GMDS: variants seen among roughly 807,000 people sequenced by gnomAD.
The protein encoded by GMDS is GDP-mannose 4,6-dehydratase.
GMDS carries 20 observed loss-of-function variants against 49.9 expected under a neutral mutation model. That is an observed-to-expected ratio of 0.40 (90% CI 0.28 to 0.58). The LOEUF (loss-of-function observed/expected upper bound fraction) is 0.58, where lower values mean the gene tolerates loss of function less well. GMDS is among the 20% of genes least tolerant of loss of function. The probability of loss-of-function intolerance (pLI) is 0.42; values close to 1 mark genes in which losing one functional copy is unlikely to be tolerated. For missense variants in GMDS, 362 were observed against 481.4 expected, an observed-to-expected ratio of 0.75 and a Z score of 2.32; for synonymous variants, 177 against 178.6, an observed-to-expected ratio of 0.99 and a Z score of 0.07.
chr6:2,191,756 C>G lies in GMDS; in HGVS notation c.102+53565G>C, dbSNP rs1779029965. Among the ~76,000 whole-genome samples, 1 of 152,214 alleles carries G rather than the reference C, an allele frequency of 6.6e-6. No individual in the cohort carries two copies. The highest frequency in any genetic ancestry group is 2.4e-5 in the African/African-American group (1 of 41,464). On this transcript the variant is annotated intron_variant, in intron 1 of 10. Coordinates refer to ENST00000380815, the MANE Select transcript of GMDS (RefSeq NM_001500.4). The surrounding 1 kb of genome is among the most constrained non-coding windows in gnomAD (Gnocchi z 4.6). ...CTGAGAGCAGCTTGATGCTGGCCTG[C>G]AGGTACCCCATGGATGAGCAGCCTG...
chr6:1,649,990 C>T (rs1214454965), intron 9 of GMDS, among the ~76,000 whole-genome samples: 2 of 152,218 alleles, frequency 1.3e-5, no homozygotes, highest in African/African-American at 4.8e-5. Flanking sequence ...ACCTTGCCTT[C>T]TGAAAGTAAC....
intron 7 of GMDS, among the ~76,000 whole-genome samples, chr6:1,923,973 T>C (rs1761860819): frequency 6.6e-6 from 1 of 152,322 alleles, no homozygotes; most frequent in Non-Finnish European, 1.5e-5. Context: ...AACTGAGAGC[T>C]GGAATGAAGG....
At chr6:1,996,005 C>T (rs1766253813) in intron 4 of GMDS, among the ~76,000 whole-genome samples, 1 of 152,292 alleles carries the variant, frequency 6.6e-6, no homozygotes, top group African/African-American at 2.4e-5. Context: ...GAAGGCTATA[C>T]CACTGCACAG....
intron 7 of GMDS, among the ~76,000 whole-genome samples, chr6:1,858,773 T>C (rs900549934): frequency 2.0e-5 from 3 of 152,174 alleles, no homozygotes; most frequent in African/African-American, 7.2e-5. Context: ...ATCATTAATA[T>C]TGAGCACCAT....
At chr6:2,109,210 G>C (rs147359242) in intron 4 of GMDS, among the ~76,000 whole-genome samples, 1 of 152,294 alleles carries the variant, frequency 6.6e-6, no homozygotes, top group African/African-American at 2.4e-5. Flanking sequence ...AGGACACACA[G>C]CGGCCAATGC....
At chr6:1,738,318 T>C (rs1464501719) in intron 8 of GMDS, among the ~76,000 whole-genome samples, 2 of 152,232 alleles carry the variant, frequency 1.3e-5, no homozygotes, top group African/African-American at 4.8e-5. Context: ...CAGGACTGCA[T>C]GTGGTACTGA....
At chr6:1,873,242 A>G (rs17134424) in intron 7 of GMDS, among the ~76,000 whole-genome samples, 4,346 of 152,322 alleles carry the variant, frequency 0.029, 207 homozygotes, top group African/African-American at 0.099. Flanking sequence ...AGTCCTAAAG[A>G]TTATGATTAT....
At chr6:2,213,426 T>C (rs1476882542) in intron 1 of GMDS, among the ~76,000 whole-genome samples, 1 of 152,158 alleles carries the variant, frequency 6.6e-6, no homozygotes, top group African/African-American at 2.4e-5. Flanking sequence ...ACAGACCCAA[T>C]GGTCTTGACA....
chr6:1,785,654 T>C (rs1167266999), intron 7 of GMDS, among the ~76,000 whole-genome samples: 1 of 152,228 alleles, frequency 6.6e-6, no homozygotes, highest in Non-Finnish European at 1.5e-5. Flanking sequence ...GCACCAGCCC[T>C]GTCTTCTCTT....
intron 1 of GMDS, among the ~76,000 whole-genome samples, chr6:2,173,523 C>G (rs1177696564): frequency 6.6e-6 from 1 of 152,098 alleles, no homozygotes; most frequent in African/African-American, 2.4e-5. Flanking sequence ...ACTGGGGGCA[C>G]AGAAGACAGT....
rs1561830982 is a variant in GMDS at position 1,827,374 on chromosome 6, CGTTTTGG to C, written c.772-84795_772-84789del. On this transcript the variant is annotated intron_variant, in intron 7 of 10. Coordinates refer to ENST00000380815, the MANE Select transcript of GMDS (RefSeq NM_001500.4). ...GTTTTGGAAAACCTGTATATACACA[CGTTTTGG>C]AAAACCTGTATATACACACGTTTTG... 4.9e-5 allele frequency among the ~76,000 whole-genome samples: 7 copies of C among 143,316 alleles called. No individual in the cohort carries two copies. The East Asian group carries it at 1.5e-3, about 30-fold the overall frequency. The allele number at this position is 143,316 out of a possible 152,430, so 94.0% of individuals were successfully genotyped here. A position where few individuals can be genotyped will look rare whatever the true frequency, so the allele number is the denominator to read the frequency against.
intron 7 of GMDS, among the ~76,000 whole-genome samples, chr6:1,802,001 G>A (rs752836270): frequency 6.6e-6 from 1 of 152,178 alleles, no homozygotes; most frequent in Admixed American, 6.5e-5. Flanking sequence ...AAAAGCCACT[G>A]TCTCAGGCAT....
At chr6:2,102,120 C>T (rs1229626075) in intron 4 of GMDS, among the ~76,000 whole-genome samples, 1 of 151,936 alleles carries the variant, frequency 6.6e-6, no homozygotes, top group Non-Finnish European at 1.5e-5. Flanking sequence ...GTCACGTAAA[C>T]AAATGTAAAG....
chr6:1,731,874 G>A (rs948614999), intron 8 of GMDS, among the ~76,000 whole-genome samples: 2 of 152,206 alleles, frequency 1.3e-5, no homozygotes, highest in African/African-American at 4.8e-5. Context: ...TCAGGAAGAT[G>A]TGACTGACAG....
At chr6:2,141,260 A>G (rs1041760232) in intron 1 of GMDS, among the ~76,000 whole-genome samples, 28 of 152,138 alleles carry the variant, frequency 1.8e-4, no homozygotes, top group African/African-American at 6.3e-4. Context: ...TCCTGTGGAG[A>G]CAAGTTATCA....
chr6:1,943,125 C>T (rs1479096336), intron 6 of GMDS, among the ~76,000 whole-genome samples: 1 of 152,218 alleles, frequency 6.6e-6, no homozygotes, highest in Non-Finnish European at 1.5e-5. Flanking sequence ...TGCCCTGTCC[C>T]CCTCACAGCT....
intron 7 of GMDS, among the ~76,000 whole-genome samples, chr6:1,783,418 G>T (rs1394018568): frequency 6.6e-6 from 1 of 152,130 alleles, no homozygotes; most frequent in East Asian, 1.9e-4. Context: ...ATCCCTTGAG[G>T]GAAGTATGGA....
chr6:2,072,066 T>A (rs1023889564), intron 4 of GMDS, among the ~76,000 whole-genome samples: 31 of 152,236 alleles, frequency 2.0e-4, no homozygotes, highest in African/African-American at 7.2e-4. Flanking sequence ...GGGGCGTGTG[T>A]GCATGTGTGT....
At chr6:2,051,231 T>A (rs1001707378) in intron 4 of GMDS, among the ~76,000 whole-genome samples, 4 of 152,230 alleles carry the variant, frequency 2.6e-5, no homozygotes, top group African/African-American at 9.6e-5. Flanking sequence ...GGACACCGCC[T>A]GCCAGTGTCA....
Sources: allele counts gnomAD v4.1 joint callset (sites outside exome capture counted in the v4.1 genomes callset), GRCh38; gene constraint gnomAD v4.1.1; non-coding constraint Gnocchi (gnomAD v3.1); transcripts MANE v1.5; gene names NCBI Gene and HGNC (gene_info 2026-07-23, HGNC 2026-07-21).